KCNQ1: variants seen among roughly 807,000 people sequenced by gnomAD.
The protein encoded by KCNQ1 is potassium voltage-gated channel subfamily KQT member 1.
In KCNQ1, 49 loss-of-function variants were observed where a neutral mutation model predicts 72.4. The observed-to-expected ratio is 0.68, with a 90% CI of 0.54 to 0.86. KCNQ1 has a LOEUF of 0.86. Among genes scored for constraint, KCNQ1 ranks in the 40% least tolerant of loss-of-function variants. The pLI is 0.00. For synonymous variants in KCNQ1, 450 were observed against 412.6 expected (o/e 1.09, Z -1.10); for missense variants, 790 against 945.1 (o/e 0.84, Z 2.15).
intron 10 of KCNQ1, chr11:2,631,593 C>T (rs1480638688): frequency 2.5e-6 from 1 of 398,354 alleles, no homozygotes; most frequent in Non-Finnish European, 4.4e-6. Flanking sequence ...GGGAGTCAGT[C>T]CCTGAAAATT....
Position 2,766,414 on chromosome 11 carries a change from G to A in KCNQ1, c.1515-2430G>A, listed in dbSNP as rs1052914373. ...CCAGGGTCTCTCAGCTCTCCTTCAC[G>A]CGGCTGTTCCAGCAGGCTAGCTCAG... On this transcript the variant is annotated intron_variant, in intron 11 of 15. Coordinates refer to ENST00000155840, the MANE Select transcript of KCNQ1 (RefSeq NM_000218.3). The surrounding 1 kb of genome is among the most constrained non-coding windows in gnomAD (Gnocchi z 4.4). 3.3e-5 allele frequency among the ~76,000 whole-genome samples: 5 copies of A among 152,164 alleles called. No homozygotes were observed. Among genetic ancestry groups the A allele is most frequent in the East Asian group, 1.9e-4 (1 of 5,198 alleles).
chr11:2,651,209 T>A lies in KCNQ1; in HGVS notation c.1394-10752T>A, dbSNP rs1849751664. On this transcript the variant is annotated intron_variant, in intron 10 of 15. Coordinates refer to ENST00000155840, the MANE Select transcript of KCNQ1 (RefSeq NM_000218.3). The surrounding 1 kb of genome is among the most constrained non-coding windows in gnomAD (Gnocchi z 6.1). ...GTTCCGACAGCTTCCTGTCACCCTG[T>A]CTTGTGTCAGTCTCACAGCACACAC... 2.0e-5 allele frequency: 8 copies of A among 398,716 alleles called. No homozygotes were observed. The highest frequency in any genetic ancestry group is 3.5e-5 in the Non-Finnish European group (8 of 226,112). 24.7% of individuals were successfully genotyped at this position (398,716 alleles called of 1,614,324 possible).
intron 2 of KCNQ1, among the ~76,000 whole-genome samples, chr11:2,560,910 G>A (rs1324404520): frequency 3.3e-5 from 5 of 152,072 alleles, no homozygotes; most frequent in South Asian, 2.1e-4. Flanking sequence ...GAGGCTGCGC[G>A]GTGCCCTGCA....
intron 15 of KCNQ1, among the ~76,000 whole-genome samples, chr11:2,843,421 C>T (rs988449811): frequency 1.3e-5 from 2 of 152,236 alleles, no homozygotes; most frequent in East Asian, 1.9e-4. Flanking sequence ...CTTTGCCCTG[C>T]GACCCTACAG....
chr11:2,741,153 G>A (rs1846042821), intron 11 of KCNQ1, among the ~76,000 whole-genome samples: 1 of 152,208 alleles, frequency 6.6e-6, no homozygotes, highest in South Asian at 2.1e-4. Flanking sequence ...AGAGTCTCTG[G>A]TGAGTCTCAG....
chr11:2,638,780 G>A (rs1236959546), intron 10 of KCNQ1: 1 of 152,232 alleles, frequency 6.6e-6, no homozygotes, highest in Non-Finnish European at 1.5e-5. Context: ...GGTTGGGGAA[G>A]TTCTCCTGGA....
Position 2,611,093 on chromosome 11 carries a change from T to C in KCNQ1, c.1393+22239T>C, listed in dbSNP as rs1461989344. On this transcript the variant is annotated intron_variant, in intron 10 of 15. Transcript: ENST00000155840. The surrounding 1 kb of genome is among the most constrained non-coding windows in gnomAD (Gnocchi z 5.3). ...TTTTTAGCTGTTATAAATTTTTATT[T>C]CTTTATGACTTCTGTTTATGATTTC... is the stretch of plus-strand genomic sequence containing the variant. The C allele has an allele frequency of 2.5e-6, 1 of 398,488 alleles. No homozygotes were observed. Among genetic ancestry groups the C allele is most frequent in the Non-Finnish European group, 4.4e-6 (1 of 226,056 alleles). The allele number at this position is 398,488 out of a possible 1,614,324, so 24.7% of individuals were successfully genotyped here. A position where few individuals can be genotyped will look rare whatever the true frequency, so the allele number is the denominator to read the frequency against.
intron 6 of KCNQ1, among the ~76,000 whole-genome samples, chr11:2,581,692 C>T (rs796847571): frequency 6.6e-6 from 1 of 152,252 alleles, no homozygotes; most frequent in South Asian, 2.1e-4. Context: ...GTGTGACGCA[C>T]GTGCGTGTGC....
Position 2,734,238 on chromosome 11 carries a change from G to A in KCNQ1, c.1515-34606G>A, listed in dbSNP as rs1448479862. Among the ~76,000 whole-genome samples, 1 of 152,238 alleles carries A rather than the reference G, an allele frequency of 6.6e-6. No individual in the cohort carries two copies. The highest frequency in any genetic ancestry group is 1.5e-5 in the Non-Finnish European group (1 of 68,042). On this transcript the variant is annotated intron_variant, in intron 11 of 15. Coordinates refer to ENST00000155840, the MANE Select transcript of KCNQ1 (RefSeq NM_000218.3). This position sits in a 1 kb window ranked among gnomAD's most constrained non-coding sequence, Gnocchi z 7.0. ...GCACAGGCCAGAGGCAGATTGGGAGGGTCAGGTCCTAAGAGGCCTCAGGCC... is the reference window on the plus strand; with the variant it reads ...GCACAGGCCAGAGGCAGATTGGGAGAGTCAGGTCCTAAGAGGCCTCAGGCC...
At chr11:2,814,507 G>A (rs975128791) in intron 15 of KCNQ1, among the ~76,000 whole-genome samples, 27 of 151,832 alleles carry the variant, frequency 1.8e-4, no homozygotes, top group Admixed American at 2.6e-4. Flanking sequence ...ATGGAGGGAA[G>A]GGAAGGCTGG....
At chr11:2,583,382 C>T (rs1424708652) in intron 6 of KCNQ1, 53 bp from the exon 7 acceptor site, 3 of 1,315,982 alleles carry the variant, frequency 2.3e-6, no homozygotes, top group East Asian at 2.3e-5. Flanking sequence ...GGCAGTTGGC[C>T]CTCCCGAGGC....
At chr11:2,606,185 T>C (rs976817095) in intron 10 of KCNQ1, among the ~76,000 whole-genome samples, 1 of 152,232 alleles carries the variant, frequency 6.6e-6, no homozygotes, top group Admixed American at 6.5e-5. Context: ...TTTTTGACAG[T>C]GTGTAGAAAT....
chr11:2,634,128 C>T (rs1225988946), intron 10 of KCNQ1: 1 of 339,942 alleles, frequency 2.9e-6, no homozygotes, highest in Non-Finnish European at 4.9e-6. Context: ...TGAAGATTGT[C>T]TTTGGTATTT....
In KCNQ1 at chr11:2,770,470, G is replaced by A. The variant is rs376282099; in HGVS notation, c.1590+1551G>A. Among the ~76,000 whole-genome samples the A allele has an allele frequency of 1.2e-3, 176 of 152,356 alleles. 1 individual carries two copies. Among genetic ancestry groups the A allele is most frequent in the Middle Eastern group, 6.8e-3 (2 of 294 alleles). On this transcript the variant is annotated intron_variant, in intron 12 of 15. Coordinates refer to ENST00000155840, the MANE Select transcript of KCNQ1 (RefSeq NM_000218.3). ...CAGGCCCTTGCCAAGAGCAGTATGCGGGCCCTCGTTCTGGCCACCGGGCCA... is the reference window on the plus strand; with the variant it reads ...CAGGCCCTTGCCAAGAGCAGTATGCAGGCCCTCGTTCTGGCCACCGGGCCA...
intron 11 of KCNQ1, chr11:2,699,282 C>T (rs1164071373): frequency 2.5e-6 from 1 of 398,834 alleles, no homozygotes; most frequent in African/African-American, 2.1e-5. Context: ...CCAGGCTGCA[C>T]TGCTGACGCC....
At position 2,464,461 on chromosome 11, in the gene KCNQ1, G is replaced by A. The variant is rs999033549; in HGVS notation, c.386+18977G>A. 7.2e-5 allele frequency among the ~76,000 whole-genome samples: 11 copies of A among 152,194 alleles called. No individual in the cohort carries two copies. ...TGGATGAGAACTCTGAATGAATTGA[G>A]TGTGATTTGACCTAGGAGAGTGCCG... On this transcript the variant is annotated intron_variant, in intron 1 of 15. Transcript: ENST00000155840. This position sits in a 1 kb window ranked among gnomAD's most constrained non-coding sequence, Gnocchi z 5.0.
rs1169919543 is a variant in KCNQ1 at position 2,447,860 on chromosome 11, C to T, written c.386+2376C>T. On this transcript the variant is annotated intron_variant, in intron 1 of 15. Coordinates refer to ENST00000155840, the MANE Select transcript of KCNQ1 (RefSeq NM_000218.3). The surrounding 1 kb of genome is among the most constrained non-coding windows in gnomAD (Gnocchi z 7.6). ...TGACCCTACAGGGCTAGGGCGAACT[C>T]TCCTGTGTGCGCCTGGGGAAGCCAG... 6.6e-6 allele frequency among the ~76,000 whole-genome samples: 1 copy of T among 152,308 alleles called. No homozygotes were observed. The highest frequency in any genetic ancestry group is 1.9e-4 in the East Asian group (1 of 5,186).
rs948285279 is a variant in KCNQ1, at chr11:2,734,881, G to A, written c.1515-33963G>A. 1.3e-5 allele frequency among the ~76,000 whole-genome samples: 2 copies of A among 151,978 alleles called. No homozygotes were observed. The highest frequency in any genetic ancestry group is 2.1e-4 in the South Asian group (1 of 4,812). ...GCCTGGCTGTGGCTTCCCAGGCCCC[G>A]GCTGGGACCACCGCAGAGGTGATGT... is the stretch of plus-strand genomic sequence containing the variant. On this transcript the variant is annotated intron_variant, in intron 11 of 15. Coordinates refer to ENST00000155840, the MANE Select transcript of KCNQ1 (RefSeq NM_000218.3). The surrounding 1 kb of genome is among the most constrained non-coding windows in gnomAD (Gnocchi z 7.0).
rs1847914493 is a variant in KCNQ1, at chr11:2,830,034, A to G, written c.1795-17733A>G. On this transcript the variant is annotated intron_variant, in intron 15 of 15. Transcript: ENST00000155840. The surrounding 1 kb of genome is among the most constrained non-coding windows in gnomAD (Gnocchi z 7.7). ...GGAGGAGGAAGGAGGAGGAAGGAGG[A>G]GGGAGGAGGAAGGAGGAGGGAGGAG... is the stretch of plus-strand genomic sequence containing the variant. Among the ~76,000 whole-genome samples the G allele has an allele frequency of 9.9e-6, 1 of 101,080 alleles. No homozygotes were observed. The highest frequency in any genetic ancestry group is 4.2e-4 in the South Asian group (1 of 2,402). The allele number at this position is 101,080 out of a possible 152,430, so 66.3% of individuals were successfully genotyped here.
Sources: gnomAD v4.1 joint callset for allele counts (sites outside exome capture counted in the v4.1 genomes callset) on GRCh38, gnomAD v4.1.1 for gene constraint, Gnocchi (gnomAD v3.1) non-coding constraint, MANE v1.5 for transcripts, NCBI Gene and HGNC (gene_info 2026-07-23, HGNC 2026-07-21) for gene names.